The following FAT3 variants were observed in gnomAD, a reference collection of about 807,000 sequenced individuals.
FAT3 encodes FAT atypical cadherin 3.
A neutral mutation model predicts 310.2 loss-of-function variants in FAT3; 95 were observed. The observed-to-expected ratio is 0.31, with a 90% CI of 0.26 to 0.36. The LOEUF (loss-of-function observed/expected upper bound fraction) is 0.36. Ranked by LOEUF, FAT3 falls within the 10% of genes least tolerant of loss-of-function variation. FAT3 has a pLI of 1.00. For synonymous variants in FAT3, 2,314 were observed against 2,192.9 expected (o/e 1.06, Z -1.54); for missense variants, 5,408 against 5,715.6 (o/e 0.95, Z 1.74).
intron 2 of FAT3, among the ~76,000 whole-genome samples, chr11:92,361,180 G>A (rs940648376): frequency 6.6e-6 from 1 of 152,102 alleles, no homozygotes; most frequent in Non-Finnish European, 1.5e-5. Flanking sequence ...CACTATCTGG[G>A]ATATGATGTT....
intron 19 of FAT3, among the ~76,000 whole-genome samples, chr11:92,846,484 C>T (rs960676287): frequency 6.6e-6 from 1 of 152,090 alleles, no homozygotes; most frequent in African/African-American, 2.4e-5. Context: ...ACACAGAGAC[C>T]ACCAATGTGC....
At chr11:92,717,770 G>A (rs1944732019) in intron 4 of FAT3, among the ~76,000 whole-genome samples, 1 of 152,010 alleles carries the variant, frequency 6.6e-6, no homozygotes, top group Non-Finnish European at 1.5e-5. Flanking sequence ...ATGTGATGGG[G>A]ACAAAGATGA....
At chr11:92,463,811 A>C (rs1951694450) in intron 2 of FAT3, among the ~76,000 whole-genome samples, 1 of 152,184 alleles carries the variant, frequency 6.6e-6, no homozygotes, top group Non-Finnish European at 1.5e-5. Flanking sequence ...TAGTTAGAAA[A>C]GCCTGAGCTT....
intron 2 of FAT3, among the ~76,000 whole-genome samples, chr11:92,512,119 T>G (rs1180775771): frequency 6.6e-6 from 1 of 152,164 alleles, no homozygotes; most frequent in Non-Finnish European, 1.5e-5. Context: ...GCAATTCACT[T>G]AAAATCCCCA....
At chr11:92,576,505 C>T (rs1396568162) in intron 3 of FAT3, among the ~76,000 whole-genome samples, 1 of 152,102 alleles carries the variant, frequency 6.6e-6, no homozygotes. Flanking sequence ...TTAGTAAGTA[C>T]AGTCCTTGGA....
intron 1 of FAT3, among the ~76,000 whole-genome samples, chr11:92,316,280 T>C (rs1481515959): frequency 6.6e-6 from 1 of 152,164 alleles, no homozygotes. Context: ...GAAGGTTTCC[T>C]TTCACTGAAA....
rs752768625 is a variant in FAT3 at position 92,859,276 on chromosome 11, A to G, written c.11612A>G (p.Asn3871Ser). 5 of 1,613,158 alleles carry G rather than the reference A, an allele frequency of 3.1e-6. No individual in the cohort carries two copies. The highest frequency in any genetic ancestry group is 4.5e-5 in the East Asian group (2 of 44,892). The change falls in exon 21 of 28, where the codon AAT becomes AGT. Residue 3871 changes from asparagine (N) to serine (S), a missense_variant. Asn to Ser is a conservative substitution (Grantham distance 46). Around this residue, in one of 5 missense-constraint regions of FAT3, gnomAD observed 4,588 missense variants for 4,809.8 expected, o/e 0.95. Coordinates refer to ENST00000525166, the MANE Select transcript of FAT3 (RefSeq NM_001367949.2). ...CTGCGTCTTCGAACACTGCAAAGCA[A>G]TGGGATTATAATGTACACCAGAGCA... Reference protein sequence around the residue: ...LALRLRTLQSNGIIMYTRANP... With the variant: ...LALRLRTLQSSGIIMYTRANP...
At chr11:92,373,724 G>C (rs1198893894) in intron 2 of FAT3, among the ~76,000 whole-genome samples, 2 of 146,246 alleles carry the variant, frequency 1.4e-5, no homozygotes, top group African/African-American at 5.0e-5. Flanking sequence ...TATTAGGCAG[G>C]GTTTCCAGAG....
chr11:92,424,992 T>A (rs1950599882), intron 2 of FAT3, among the ~76,000 whole-genome samples: 1 of 152,190 alleles, frequency 6.6e-6, no homozygotes, highest in South Asian at 2.1e-4. Flanking sequence ...GTCAGGTGAC[T>A]TAACAACACT....
At chr11:92,792,178 G>A (rs1172615468) in intron 8 of FAT3, among the ~76,000 whole-genome samples, 5 of 152,080 alleles carry the variant, frequency 3.3e-5, no homozygotes, top group Non-Finnish European at 7.4e-5. Flanking sequence ...AGTGCATCCC[G>A]TGAGAATACT....
chr11:92,637,654 G>C (rs772235647), intron 3 of FAT3, among the ~76,000 whole-genome samples: 2 of 152,134 alleles, frequency 1.3e-5, no homozygotes, highest in Non-Finnish European at 2.9e-5. Context: ...CATACGTTAA[G>C]AACTATAGTA....
chr11:92,726,060 G>A (rs998278256), intron 4 of FAT3, among the ~76,000 whole-genome samples: 3 of 151,868 alleles, frequency 2.0e-5, no homozygotes, highest in Non-Finnish European at 2.9e-5. Flanking sequence ...CACTGATTTG[G>A]TCTTCACAAA....
chr11:92,265,319 G>A (rs1993543), intron 1 of FAT3, among the ~76,000 whole-genome samples: 7 of 151,480 alleles, frequency 4.6e-5, no homozygotes, highest in South Asian at 4.2e-4. Context: ...TTACGCTGCC[G>A]TATGGTTTTT....
intron 3 of FAT3, among the ~76,000 whole-genome samples, chr11:92,629,164 A>T (rs922527972): frequency 3.9e-5 from 6 of 152,222 alleles, no homozygotes; most frequent in African/African-American, 1.4e-4. Context: ...ATACACTGAG[A>T]TCTTTCCCTG....
Position 92,800,583 on chromosome 11 carries a change from G to A in FAT3, c.7570G>A (p.Asp2524Asn). The A allele has an allele frequency of 6.2e-7, 1 of 1,613,776 alleles. No individual in the cohort carries two copies. Among genetic ancestry groups the A allele is most frequent in the Non-Finnish European group, 8.5e-7 (1 of 1,179,804 alleles). The change falls in exon 10 of 28, where the codon GAT becomes AAT. Residue 2524 changes from aspartate (D) to asparagine (N), a missense_variant. Coordinates refer to ENST00000525166, the MANE Select transcript of FAT3 (RefSeq NM_001367949.2). The part of the protein sequence containing the change: ...KVIHVRATDG[D>N]PGTYGQISYA... ...AATTCATGTTCGAGCCACAGATGGTGATCCAGGGACTTATGGGCAGATCAG... is the reference window on the plus strand; with the variant it reads ...AATTCATGTTCGAGCCACAGATGGTAATCCAGGGACTTATGGGCAGATCAG...
intron 4 of FAT3, among the ~76,000 whole-genome samples, chr11:92,737,658 A>G (rs1413312924): frequency 6.6e-6 from 1 of 152,208 alleles, no homozygotes; most frequent in Non-Finnish European, 1.5e-5. Context: ...TTTAATTTTT[A>G]CATAGAATTA....
intron 3 of FAT3, among the ~76,000 whole-genome samples, chr11:92,582,610 A>G (rs1165624843): frequency 1.3e-5 from 2 of 151,998 alleles, no homozygotes; most frequent in African/African-American, 2.4e-5. Flanking sequence ...AATTTTTCCA[A>G]AATTGGACTT....
intron 1 of FAT3, among the ~76,000 whole-genome samples, chr11:92,306,655 A>G (rs1314544983): frequency 8.2e-6 from 1 of 121,338 alleles, no homozygotes; most frequent in African/African-American, 3.1e-5. Context: ...TATATATATT[A>G]TATATATATA....
chr11:92,869,875 T>C (rs1347448497), intron 22 of FAT3, among the ~76,000 whole-genome samples: 1 of 152,090 alleles, frequency 6.6e-6, no homozygotes, highest in Non-Finnish European at 1.5e-5. Context: ...GAAGAGACAG[T>C]GTTGTGCCCC....
Sources: gnomAD v4.1 joint callset for allele counts (sites outside exome capture counted in the v4.1 genomes callset) on GRCh38, gnomAD v4.1.1 for gene constraint, gnomAD v4.1.1 regional missense constraint, MANE v1.5 for transcripts, NCBI Gene and HGNC (gene_info 2026-07-23, HGNC 2026-07-21) for gene names.